COMMD10: variants seen among roughly 807,000 people sequenced by gnomAD.
The protein encoded by COMMD10 is COMM domain containing 10, also known as COMM domain-containing protein 10.
A neutral mutation model predicts 28.9 loss-of-function variants in COMMD10; 33 were observed. The observed-to-expected ratio is 1.14, with a 90% CI of 0.87 to 1.53. The LOEUF is 1.53. Ranked by LOEUF, COMMD10 falls within the 40% of genes most tolerant of loss-of-function variation. The pLI is 0.00. For missense variants in COMMD10, 310 were observed against 233.4 expected (o/e 1.33, Z -2.14); for synonymous variants, 110 against 81.7 (o/e 1.35, Z -1.87).
chr5:116,271,445 A>T (rs906619366), intron 5 of COMMD10, among the ~76,000 whole-genome samples: 1 of 151,314 alleles, frequency 6.6e-6, no homozygotes, highest in Non-Finnish European at 1.5e-5. Context: ...TGCTTAATAT[A>T]CTTTGTATAC....
intron 5 of COMMD10, among the ~76,000 whole-genome samples, chr5:116,210,459 G>A (rs1748932112): frequency 2.0e-5 from 3 of 151,962 alleles, no homozygotes; most frequent in Non-Finnish European, 4.4e-5. Flanking sequence ...TGATAGCAGA[G>A]GAAGTTGTGA....
chr5:116,257,219 C>A (rs946091236), intron 5 of COMMD10, among the ~76,000 whole-genome samples: 2 of 151,564 alleles, frequency 1.3e-5, no homozygotes, highest in African/African-American at 4.9e-5. Context: ...ACGGAATTTT[C>A]TACTTGTAGT....
At chr5:116,171,199 T>G (rs192415943) in intron 5 of COMMD10, among the ~76,000 whole-genome samples, 13 of 152,312 alleles carry the variant, frequency 8.5e-5, no homozygotes, top group African/African-American at 2.9e-4. Flanking sequence ...AAAGAAGACA[T>G]TTATGCAGCC....
At chr5:116,150,473 T>C (rs1356932217) in intron 5 of COMMD10, among the ~76,000 whole-genome samples, 1 of 151,962 alleles carries the variant, frequency 6.6e-6, no homozygotes, top group East Asian at 1.9e-4. Context: ...ATGATATTGA[T>C]TCTTCCTACC....
At chr5:116,192,931 A>G (rs1748407314) in intron 5 of COMMD10, among the ~76,000 whole-genome samples, 1 of 152,210 alleles carries the variant, frequency 6.6e-6, no homozygotes, top group Non-Finnish European at 1.5e-5. Flanking sequence ...TAACTAACTT[A>G]TAAAGGAAAG....
At chr5:116,274,437 T>G (rs1054645265) in intron 5 of COMMD10, among the ~76,000 whole-genome samples, 12 of 151,688 alleles carry the variant, frequency 7.9e-5, no homozygotes, top group Non-Finnish European at 1.6e-4. Flanking sequence ...CAATAAACCT[T>G]TATTTACAAA....
intron 5 of COMMD10, among the ~76,000 whole-genome samples, chr5:116,266,233 T>C (rs989494245): frequency 3.3e-5 from 5 of 151,768 alleles, no homozygotes; most frequent in Non-Finnish European, 5.9e-5. Context: ...TATTTATACC[T>C]ATGCAGACCT....
intron 4 of COMMD10, among the ~76,000 whole-genome samples, chr5:116,111,312 T>C (rs1349208280): frequency 6.6e-6 from 1 of 152,142 alleles, no homozygotes; most frequent in African/African-American, 2.4e-5. Context: ...CTGCTAATTT[T>C]GTGTTTGGTT....
intron 5 of COMMD10, among the ~76,000 whole-genome samples, chr5:116,201,835 G>A (rs1232585119): frequency 6.6e-6 from 1 of 151,894 alleles, no homozygotes. Flanking sequence ...GACACAGGTG[G>A]GAATAGAATC....
At chr5:116,195,633 A>G (rs551827841) in intron 5 of COMMD10, among the ~76,000 whole-genome samples, 4 of 152,290 alleles carry the variant, frequency 2.6e-5, no homozygotes, top group East Asian at 1.9e-4. Flanking sequence ...AAGAAAAACT[A>G]CAAAAGACTA....
intron 4 of COMMD10, among the ~76,000 whole-genome samples, chr5:116,127,855 A>G (rs13170042): frequency 0.5 from 76,528 of 151,826 alleles, 21,899 homozygotes; most frequent in Non-Finnish European, 0.65. Flanking sequence ...CAGCACACCA[A>G]CATGGCACAT....
chr5:116,093,057 C>G (rs905133551), intron 4 of COMMD10, among the ~76,000 whole-genome samples: 38 of 152,150 alleles, frequency 2.5e-4, no homozygotes, highest in African/African-American at 8.9e-4. Flanking sequence ...TTGCTGAATA[C>G]ATATTGGTTT....
rs1482482772 is a variant in COMMD10 at position 116,118,866 on chromosome 5, A to G, written c.400-15202A>G. On this transcript the variant is annotated intron_variant, in intron 4 of 6. Coordinates refer to ENST00000274458, the MANE Select transcript of COMMD10 (RefSeq NM_016144.4). ...GAAACAGAATGTATTTCTCCACTGCATAAGTAATTGGCTGAAACCAGAACC... is the reference window on the plus strand; with the variant it reads ...GAAACAGAATGTATTTCTCCACTGCGTAAGTAATTGGCTGAAACCAGAACC... Among the ~76,000 whole-genome samples, 10 of 152,348 alleles carry G rather than the reference A, an allele frequency of 6.6e-5. No homozygotes were observed. The East Asian group carries it at 1.2e-3, about 18-fold the overall frequency.
chr5:116,154,730 AC>A (rs1248172392), intron 5 of COMMD10, among the ~76,000 whole-genome samples: 2 of 151,688 alleles, frequency 1.3e-5, no homozygotes, highest in African/African-American at 4.8e-5. Context: ...CACAGAACTT[AC>A]TTTTCTTTTT....
chr5:116,288,899 T>G (rs1261544960), intron 5 of COMMD10, among the ~76,000 whole-genome samples: 2 of 112,416 alleles, frequency 1.8e-5, no homozygotes, highest in African/African-American at 4.0e-5. Flanking sequence ...TTTTTTTTTT[T>G]GTGAGACAGT....
chr5:116,112,363 A>G (rs1290078486), intron 4 of COMMD10, among the ~76,000 whole-genome samples: 3 of 152,002 alleles, frequency 2.0e-5, no homozygotes, highest in African/African-American at 7.3e-5. Flanking sequence ...GTCTTCACAG[A>G]TAAGGTGGGT....
At position 116,163,872 on chromosome 5, in the gene COMMD10, G is replaced by T. The variant is rs1213323778; in HGVS notation, c.510+29694G>T. Among the ~76,000 whole-genome samples, 4 of 152,208 alleles carry T rather than the reference G, an allele frequency of 2.6e-5. No homozygotes were observed. The South Asian group carries it at 8.3e-4, about 31-fold the overall frequency. On this transcript the variant is annotated intron_variant, in intron 5 of 6. Transcript: ENST00000274458. ...GGGAAAAGCTACCCAGTTTCCATTT[G>T]TGTGAAATTTATGTATATTTTTGGT... is the stretch of plus-strand genomic sequence containing the variant.
intron 4 of COMMD10, among the ~76,000 whole-genome samples, chr5:116,100,598 G>T (rs1580444171): frequency 7.2e-6 from 1 of 139,630 alleles, no homozygotes; most frequent in African/African-American, 2.7e-5. Context: ...GTGTATCCTT[G>T]GTGCCCTTGT....
At chr5:116,155,663 C>G (rs945323498) in intron 5 of COMMD10, among the ~76,000 whole-genome samples, 8 of 151,990 alleles carry the variant, frequency 5.3e-5, no homozygotes, top group African/African-American at 1.7e-4. Context: ...TTGAAGAATT[C>G]TAACATAGTT....
Sources: gnomAD v4.1 joint callset for allele counts (sites outside exome capture counted in the v4.1 genomes callset) on GRCh38, gnomAD v4.1.1 for gene constraint, MANE v1.5 for transcripts, NCBI Gene and HGNC (gene_info 2026-07-23, HGNC 2026-07-21) for gene names.